FSTL1: variants seen among roughly 807,000 people sequenced by gnomAD.
FSTL1 encodes follistatin like 1.
In FSTL1, 24 loss-of-function variants were observed where a neutral mutation model predicts 45.9. The ratio of observed to expected loss-of-function variants is 0.52; its 90% CI spans 0.38 to 0.74. FSTL1 has a LOEUF of 0.74. Among genes scored for constraint, FSTL1 ranks in the 30% least tolerant of loss-of-function variants. The probability of loss-of-function intolerance (pLI) is 0.00; values close to 1 mark genes in which losing one functional copy is unlikely to be tolerated. For synonymous variants in FSTL1, 120 were observed against 137.6 expected, an observed-to-expected ratio of 0.87 and a Z score of 0.89; for missense variants, 340 against 381.8, an observed-to-expected ratio of 0.89 and a Z score of 0.91.
chr3:120,428,074 G>A (rs1030206637), intron 2 of FSTL1, among the ~76,000 whole-genome samples: 17 of 152,176 alleles, frequency 1.1e-4, no homozygotes, highest in African/African-American at 3.9e-4. Flanking sequence ...GGTAGAGGGA[G>A]ACAGGCTGGC....
intron 1 of FSTL1, 48 bp downstream of exon 1, chr3:120,450,849 C>A: frequency 3.9e-6 from 3 of 774,982 alleles, no homozygotes; most frequent in Middle Eastern, 2.5e-4. Flanking sequence ...CCAAGCACCC[C>A]CGGCCGCCCG....
chr3:120,406,624 A>G (rs919154919), intron 6 of FSTL1, among the ~76,000 whole-genome samples: 1 of 152,226 alleles, frequency 6.6e-6, no homozygotes, highest in African/African-American at 2.4e-5. Context: ...TCCCCAGGCC[A>G]GAGTTGTATG....
At chr3:120,449,924 T>C (rs1576231622) in intron 2 of FSTL1, among the ~76,000 whole-genome samples, 1 of 152,320 alleles carries the variant, frequency 6.6e-6, no homozygotes, top group African/African-American at 2.4e-5. Flanking sequence ...TAGAATTGTT[T>C]ATTTTCTGTC....
intron 2 of FSTL1, among the ~76,000 whole-genome samples, chr3:120,419,999 C>T (rs1295624057): frequency 1.3e-5 from 2 of 152,122 alleles, no homozygotes; most frequent in African/African-American, 4.8e-5. Flanking sequence ...CGCATGGAGG[C>T]CACATAACTA....
At chr3:120,449,425 T>C (rs1376561546) in intron 2 of FSTL1, among the ~76,000 whole-genome samples, 1 of 152,176 alleles carries the variant, frequency 6.6e-6, no homozygotes. Flanking sequence ...AGCCAGACTG[T>C]TTGGGTTCAA....
In FSTL1 at chr3:120,415,949, C is replaced by T; in HGVS notation, c.142G>A (p.Gly48Arg). The T allele has an allele frequency of 6.2e-7, 1 of 1,613,568 alleles. No homozygotes were observed. Among genetic ancestry groups the T allele is most frequent in the South Asian group, 1.1e-5 (1 of 91,056 alleles). The change falls in exon 3 of 11, where the codon GGG becomes AGG. Residue 48 changes from glycine (G) to arginine (R), a missense_variant. By Grantham distance (125) the Gly-to-Arg change is moderately radical. Coordinates refer to ENST00000295633, the MANE Select transcript of FSTL1 (RefSeq NM_007085.5). ...AGRECAVTEKGEPTCLCIEQC... is the reference protein window; with the variant it reads ...AGRECAVTEKREPTCLCIEQC... ...TCAATGCAGAGACAGGTGGGTTCCC[C>T]TTTCTCTGTGACTGCACATTCCCGG...
Position 120,450,671 on chromosome 3 carries a change from GC to G in FSTL1, c.63+12del. The G allele has an allele frequency of 7.1e-7, 1 of 1,405,112 alleles. No individual in the cohort carries two copies. Among genetic ancestry groups the G allele is most frequent in the South Asian group, 1.2e-5 (1 of 82,298 alleles). 87.0% of individuals were successfully genotyped at this position (1,405,112 alleles called of 1,614,324 possible). On this transcript the variant is annotated intron_variant, in intron 2 of 10. Coordinates refer to ENST00000295633, the MANE Select transcript of FSTL1 (RefSeq NM_007085.5). ...CCGGGGACCGAGTTCGGACTCCTCG[GC>G]CCCTCGCCTACCTCGGCGCGGACCC... is the stretch of plus-strand genomic sequence containing the variant.
chr3:120,445,536 C>A (rs1288246125), intron 2 of FSTL1, among the ~76,000 whole-genome samples: 1 of 149,306 alleles, frequency 6.7e-6, no homozygotes, highest in Non-Finnish European at 1.5e-5. Flanking sequence ...CAGGTTCATA[C>A]CTTTCTGTAC....
At chr3:120,401,032 C>T (rs1936816696) in intron 9 of FSTL1, among the ~76,000 whole-genome samples, 1 of 152,212 alleles carries the variant, frequency 6.6e-6, no homozygotes, top group Non-Finnish European at 1.5e-5. Flanking sequence ...TCCAAATGAC[C>T]ATGCTTATTC....
At chr3:120,413,145 A>G (rs1459144997) in intron 3 of FSTL1, among the ~76,000 whole-genome samples, 1 of 152,230 alleles carries the variant, frequency 6.6e-6, no homozygotes, top group African/African-American at 2.4e-5. Flanking sequence ...GGGGAGAAGC[A>G]GGAAGTAAAT....
chr3:120,403,357 G>A lies in FSTL1; in HGVS notation c.582-3C>T. ...TGAGAGCATCAACACAGAGTCCCCT[G>A]AAACAAAACACAGGAGAAATGTGTT... On this transcript the variant is annotated splice_polypyrimidine_tract_variant and splice_region_variant and intron_variant, in intron 7 of 10. Coordinates refer to ENST00000295633, the MANE Select transcript of FSTL1 (RefSeq NM_007085.5). The A allele has an allele frequency of 6.5e-7, 1 of 1,540,100 alleles. No homozygotes were observed. The highest frequency in any genetic ancestry group is 1.1e-5 in the South Asian group (1 of 89,582).
At chr3:120,437,642 C>A (rs1292755435) in intron 2 of FSTL1, among the ~76,000 whole-genome samples, 1 of 152,164 alleles carries the variant, frequency 6.6e-6, no homozygotes. Context: ...CACACACACA[C>A]ACATATAGTC....
intron 2 of FSTL1, among the ~76,000 whole-genome samples, chr3:120,448,302 A>C (rs942961913): frequency 1.3e-5 from 2 of 152,214 alleles, no homozygotes; most frequent in African/African-American, 2.4e-5. Flanking sequence ...TCATGATGTG[A>C]CCATTTTTGC....
Position 120,409,578 on chromosome 3 carries a change from A to C in FSTL1, c.416T>G (p.Phe139Cys). The C allele has an allele frequency of 6.2e-7, 1 of 1,614,018 alleles. No individual in the cohort carries two copies. ...TTCACTGTAGTTGCTGCCTTTAGAG[A>C]ACCAGCCATCTGGAATGATCTCAGC... is the stretch of plus-strand genomic sequence containing the variant. ...LEAEIIPDGW[F>C]SKGSNYSEIL... The change falls in exon 6 of 11, where the codon TTC (phenylalanine) becomes TGC (cysteine). Residue 139 changes from phenylalanine to cysteine, a missense_variant. Physicochemically the swap from Phe to Cys is radical, Grantham distance 205. Transcript: ENST00000295633.
intron 2 of FSTL1, among the ~76,000 whole-genome samples, chr3:120,426,089 C>G (rs1937374584): frequency 6.6e-6 from 1 of 152,124 alleles, no homozygotes; most frequent in African/African-American, 2.4e-5. Flanking sequence ...TGCCAGGGCT[C>G]ACATTTACTC....
At chr3:120,402,752 G>A in intron 9 of FSTL1, 56 bp downstream of exon 9, 2 of 1,093,860 alleles carry the variant, frequency 1.8e-6, no homozygotes, top group Non-Finnish European at 2.8e-6. Context: ...CTCTCATGCT[G>A]ATTTCATGAA....
In FSTL1 at chr3:120,392,527, T is replaced by A. The variant is rs1056407999; in HGVS notation, c.*4425A>T. 1 of 152,240 alleles carries A rather than the reference T, an allele frequency of 6.6e-6. No homozygotes were observed. The highest frequency in any genetic ancestry group is 2.4e-5 in the African/African-American group (1 of 41,460). The allele number at this position is 152,240 out of a possible 1,614,324, so 9.4% of individuals were successfully genotyped here. A position where few individuals can be genotyped will look rare whatever the true frequency, so the allele number is the denominator to read the frequency against. ...AAATTTATAAATGTACACACCCTCT[T>A]AAGAGGATGGTTTTATTCACTGTAT... On this transcript the variant is annotated 3_prime_UTR_variant, in exon 11 of 11. Transcript: ENST00000295633.
intron 10 of FSTL1, among the ~76,000 whole-genome samples, chr3:120,397,483 A>C (rs1936725625): frequency 6.6e-6 from 1 of 152,232 alleles, no homozygotes; most frequent in Non-Finnish European, 1.5e-5. Context: ...ACCATCTCTT[A>C]CAACAGTGCC....
chr3:120,439,138 G>A (rs1184184002), intron 2 of FSTL1, among the ~76,000 whole-genome samples: 1 of 152,146 alleles, frequency 6.6e-6, no homozygotes, highest in East Asian at 1.9e-4. Context: ...GAGGAGGCGA[G>A]AGCAAGGCCG....
Sources: allele counts gnomAD v4.1 joint callset (sites outside exome capture counted in the v4.1 genomes callset), GRCh38; gene constraint gnomAD v4.1.1; transcripts MANE v1.5; gene names NCBI Gene and HGNC (gene_info 2026-07-23, HGNC 2026-07-21).